CD58: variants seen among roughly 807,000 people sequenced by gnomAD.
CD58 encodes the protein CD58 molecule.
In CD58, 14 loss-of-function variants were observed where a neutral mutation model predicts 27.6. That is an observed-to-expected ratio of 0.51 (90% confidence interval 0.34 to 0.79). The LOEUF is 0.79. Among genes scored for constraint, CD58 ranks in the 30% least tolerant of loss-of-function variants. The pLI is 0.02. For synonymous variants in CD58, 117 were observed against 103.8 expected (o/e 1.13, Z -0.77); for missense variants, 268 against 301.7 (o/e 0.89, Z 0.83).
rs908065229 is a variant in CD58, at chr1:116,541,101, G to T, written c.364+3210C>A. Reference sequence around the variant, plus strand: ...TGGGATTATAGCCTTGAGCCACAATGCCCGGCCTAGAATATTTTAAATTAT... The same window carrying T: ...TGGGATTATAGCCTTGAGCCACAATTCCCGGCCTAGAATATTTTAAATTAT... On this transcript the variant is annotated intron_variant, in intron 2 of 5. Transcript: ENST00000369489. This position sits in a 1 kb window ranked among gnomAD's most constrained non-coding sequence, Gnocchi z 5.3. 2.6e-5 allele frequency among the ~76,000 whole-genome samples: 4 copies of T among 152,182 alleles called. No individual in the cohort carries two copies. The highest frequency in any genetic ancestry group is 9.7e-5 in the African/African-American group (4 of 41,442).
rs773758717 is a variant in CD58, at chr1:116,532,026, G to C, written c.628+3939C>G. On this transcript the variant is annotated intron_variant, in intron 3 of 5. Transcript: ENST00000369489. The surrounding 1 kb of genome is among the most constrained non-coding windows in gnomAD (Gnocchi z 5.1). ...GACTACTGAGAAAGCAGGACTTGACGCTCATATGCTCAAATGAAACGCAGG... is the reference window on the plus strand; with the variant it reads ...GACTACTGAGAAAGCAGGACTTGACCCTCATATGCTCAAATGAAACGCAGG... Among the ~76,000 whole-genome samples, 1 of 152,220 alleles carries C rather than the reference G, an allele frequency of 6.6e-6. No individual in the cohort carries two copies. The highest frequency in any genetic ancestry group is 2.4e-5 in the African/African-American group (1 of 41,456).
At position 116,515,781 on chromosome 1, in the gene CD58, A is replaced by G. The variant is rs1357392824; in HGVS notation, c.744-959T>C. Among the ~76,000 whole-genome samples the G allele has an allele frequency of 1.3e-5, 2 of 152,162 alleles. No individual in the cohort carries two copies. The highest frequency in any genetic ancestry group is 2.9e-5 in the Non-Finnish European group (2 of 68,036). ...TGGCTAACTTTGTGATCTGTTTTCT[A>G]GACACTTACACAAAAAATACCAGGG... is the stretch of plus-strand genomic sequence containing the variant. On this transcript the variant is annotated intron_variant, in intron 5 of 5. Transcript: ENST00000369489. This position sits in a 1 kb window ranked among gnomAD's most constrained non-coding sequence, Gnocchi z 4.6.
At chr1:116,533,666 C>T (rs1298460683) in intron 3 of CD58, 2 of 683,880 alleles carry the variant, frequency 2.9e-6, no homozygotes, top group African/African-American at 3.5e-5. Flanking sequence ...TCTGTTATGA[C>T]TACTTTATTT....
rs1446249618 is a variant in CD58 at position 116,550,938 on chromosome 1, G to T, written c.71-6334C>A. Among the ~76,000 whole-genome samples the T allele has an allele frequency of 6.6e-6, 1 of 152,106 alleles. No homozygotes were observed. Among genetic ancestry groups the T allele is most frequent in the African/African-American group, 2.4e-5 (1 of 41,426 alleles). ...GGGTGATTAGGTGCATTGTCAACAAGCAATAATATACTGAAATGAATCTTT... is the reference window on the plus strand; with the variant it reads ...GGGTGATTAGGTGCATTGTCAACAATCAATAATATACTGAAATGAATCTTT... On this transcript the variant is annotated intron_variant, in intron 1 of 5. Transcript: ENST00000369489. This position sits in a 1 kb window ranked among gnomAD's most constrained non-coding sequence, Gnocchi z 4.2.
Position 116,563,425 on chromosome 1 carries a change from C to T in CD58, c.70+7478G>A, listed in dbSNP as rs1438432932. 6.6e-6 allele frequency among the ~76,000 whole-genome samples: 1 copy of T among 152,142 alleles called. No homozygotes were observed. Among genetic ancestry groups the T allele is most frequent in the Non-Finnish European group, 1.5e-5 (1 of 68,020 alleles). Reference sequence around the variant, plus strand: ...CTTCTCACAGCTCCACTAGGCGGTGCCCCAGTGGGGACTCTGTGTGGGGGC... The same window carrying T: ...CTTCTCACAGCTCCACTAGGCGGTGTCCCAGTGGGGACTCTGTGTGGGGGC... On this transcript the variant is annotated intron_variant, in intron 1 of 5. Coordinates refer to ENST00000369489, the MANE Select transcript of CD58 (RefSeq NM_001779.3). The surrounding 1 kb of genome is among the most constrained non-coding windows in gnomAD (Gnocchi z 4.1).
chr1:116,564,575 AAGG>A (rs1286168152), intron 1 of CD58, among the ~76,000 whole-genome samples: 3 of 152,238 alleles, frequency 2.0e-5, no homozygotes, highest in African/African-American at 4.8e-5. Context: ...GCAGAATGCA[AAGG>A]AGAAGTAAGG....
intron 1 of CD58, among the ~76,000 whole-genome samples, chr1:116,561,863 A>G (rs1217401462): frequency 6.6e-6 from 1 of 152,224 alleles, no homozygotes; most frequent in Non-Finnish European, 1.5e-5. Flanking sequence ...CAGTGTGACA[A>G]TTAAATAAAA....
chr1:116,533,232 T>C, intron 3 of CD58: 5 of 828,188 alleles, frequency 6.0e-6, no homozygotes, highest in East Asian at 2.4e-5. Context: ...AAATGACTCA[T>C]TGGATACTTG....
At chr1:116,543,932 A>T (rs1467029496) in intron 2 of CD58, among the ~76,000 whole-genome samples, 1 of 152,008 alleles carries the variant, frequency 6.6e-6, no homozygotes, top group Non-Finnish European at 1.5e-5. Context: ...CAAAATAAAT[A>T]AATTAATTAA....
Position 116,559,058 on chromosome 1 carries a change from T to C in CD58, c.70+11845A>G, listed in dbSNP as rs1347902915. ...AATGAAAAAGTAAATATCTTTTATT[T>C]GGATGATGTTGGATGATGTTAAGTG... On this transcript the variant is annotated intron_variant, in intron 1 of 5. Coordinates refer to ENST00000369489, the MANE Select transcript of CD58 (RefSeq NM_001779.3). The surrounding 1 kb of genome is among the most constrained non-coding windows in gnomAD (Gnocchi z 4.4). Among the ~76,000 whole-genome samples the C allele has an allele frequency of 1.3e-5, 2 of 152,084 alleles. No homozygotes were observed. Among genetic ancestry groups the C allele is most frequent in the African/African-American group, 2.4e-5 (1 of 41,380 alleles).
At chr1:116,518,907 C>G in intron 5 of CD58, 1 of 1,071,222 alleles carries the variant, frequency 9.3e-7, no homozygotes, top group Non-Finnish European at 1.2e-6. Context: ...AATCCCAGCC[C>G]ATCACTTACT....
Position 116,523,545 on chromosome 1 carries a change from C to T in CD58, c.629-1562G>A, listed in dbSNP as rs111910326. Among the ~76,000 whole-genome samples the T allele has an allele frequency of 0.025, 3,872 of 152,242 alleles. 168 individuals are homozygous for T. The highest frequency in any genetic ancestry group is 0.086 in the African/African-American group (3,565 of 41,512). ...CTGGCCAGAAACTGCTAGGTGCCCCCGAACATCATTTTCCCTTCTTTAGTA... is the reference window on the plus strand; with the variant it reads ...CTGGCCAGAAACTGCTAGGTGCCCCTGAACATCATTTTCCCTTCTTTAGTA... On this transcript the variant is annotated intron_variant, in intron 3 of 5. Transcript: ENST00000369489. The surrounding 1 kb of genome is among the most constrained non-coding windows in gnomAD (Gnocchi z 4.4).
At position 116,521,649 on chromosome 1, in the gene CD58, G is replaced by A. The variant is rs546677722; in HGVS notation, c.706+257C>T. ...TGAAGCAGATCACAGGTAAAAGGAGGCTATGCAACAGGTCCAGGCTGTGTT... is the reference window on the plus strand; with the variant it reads ...TGAAGCAGATCACAGGTAAAAGGAGACTATGCAACAGGTCCAGGCTGTGTT... On this transcript the variant is annotated intron_variant, in intron 4 of 5. Coordinates refer to ENST00000369489, the MANE Select transcript of CD58 (RefSeq NM_001779.3). The surrounding 1 kb of genome is among the most constrained non-coding windows in gnomAD (Gnocchi z 5.6). 5 of 325,420 alleles carry A rather than the reference G, an allele frequency of 1.5e-5. No homozygotes were observed. Among genetic ancestry groups the A allele is most frequent in the African/African-American group, 6.6e-5 (3 of 45,240 alleles). The allele number at this position is 325,420 out of a possible 1,614,324, so 20.2% of individuals were successfully genotyped here.
chr1:116,523,994 T>A lies in CD58; in HGVS notation c.629-2011A>T, dbSNP rs1160770485. On this transcript the variant is annotated intron_variant, in intron 3 of 5. Transcript: ENST00000369489. This position sits in a 1 kb window ranked among gnomAD's most constrained non-coding sequence, Gnocchi z 4.4. ...GTGTTTCAATCTACTGAAGTTGTTA[T>A]TCTTATTGATGTTCCAATTGTCTTA... 6.6e-6 allele frequency among the ~76,000 whole-genome samples: 1 copy of A among 152,232 alleles called. No homozygotes were observed. The highest frequency in any genetic ancestry group is 1.5e-5 in the Non-Finnish European group (1 of 68,038).
chr1:116,544,057 A>C (rs1658074143), intron 2 of CD58, among the ~76,000 whole-genome samples: 1 of 152,204 alleles, frequency 6.6e-6, no homozygotes, highest in African/African-American at 2.4e-5. Flanking sequence ...CTGTCACTAC[A>C]TCTCTTTCCA....
intron 5 of CD58, 137 bp from the exon 6 acceptor site, chr1:116,514,959 G>T: frequency 1.7e-6 from 1 of 596,448 alleles, no homozygotes; most frequent in Non-Finnish European, 3.0e-6. Context: ...GAGCTAGGGA[G>T]CAGGGATGGA....
rs1657329473 is a variant in CD58, at chr1:116,523,390, A to C, written c.629-1407T>G. 6.6e-6 allele frequency among the ~76,000 whole-genome samples: 1 copy of C among 152,168 alleles called. No homozygotes were observed. The highest frequency in any genetic ancestry group is 1.5e-5 in the Non-Finnish European group (1 of 68,030). On this transcript the variant is annotated intron_variant, in intron 3 of 5. Coordinates refer to ENST00000369489, the MANE Select transcript of CD58 (RefSeq NM_001779.3). This position sits in a 1 kb window ranked among gnomAD's most constrained non-coding sequence, Gnocchi z 4.4. ...ATGGGAAAGGAAGGGAAAGGAAGGG[A>C]GAGGAGGAAGAGAGAGAGAAAATGA...
chr1:116,565,983 C>T (rs1658918594), intron 1 of CD58, among the ~76,000 whole-genome samples: 1 of 152,106 alleles, frequency 6.6e-6, no homozygotes, highest in African/African-American at 2.4e-5. Context: ...TCCCAAAGTG[C>T]TGGGATTACA....
chr1:116,541,635 A>G lies in CD58; in HGVS notation c.364+2676T>C, dbSNP rs1557838150. ...GGGGCTGCCATTAACCAAAAGGGAA[A>G]AGATTTGGGGAGGAGCAGCAGGTTT... is the stretch of plus-strand genomic sequence containing the variant. On this transcript the variant is annotated intron_variant, in intron 2 of 5. Transcript: ENST00000369489. This position sits in a 1 kb window ranked among gnomAD's most constrained non-coding sequence, Gnocchi z 5.3. Among the ~76,000 whole-genome samples the G allele has an allele frequency of 1.3e-5, 2 of 152,194 alleles. No individual in the cohort carries two copies. Among genetic ancestry groups the G allele is most frequent in the Admixed American group, 1.3e-4 (2 of 15,282 alleles).
Sources: gnomAD v4.1 joint callset for allele counts (sites outside exome capture counted in the v4.1 genomes callset) on GRCh38, gnomAD v4.1.1 for gene constraint, Gnocchi (gnomAD v3.1) non-coding constraint, MANE v1.5 for transcripts, NCBI Gene and HGNC (gene_info 2026-07-23, HGNC 2026-07-21) for gene names.